ACSM3: variants seen among roughly 807,000 people sequenced by gnomAD.
ACSM3 encodes acyl-CoA synthetase medium chain family member 3, also known as acyl-coenzyme A synthetase ACSM3, mitochondrial.
A neutral mutation model predicts 74.1 loss-of-function variants in ACSM3; 61 were observed. The observed-to-expected ratio is 0.82, with a 90% CI of 0.67 to 1.02. ACSM3 has a LOEUF of 1.02. ACSM3 is among the 50% of genes least tolerant of loss of function. The pLI, the probability that ACSM3 is intolerant of heterozygous loss-of-function variation, is 0.00. For synonymous variants in ACSM3, 213 were observed against 241.5 expected, an observed-to-expected ratio of 0.88 and a Z score of 1.09; for missense variants, 660 against 697.0, an observed-to-expected ratio of 0.95 and a Z score of 0.60.
chr16:20,770,466 G>A (rs1469660126), intron 2 of ACSM3, among the ~76,000 whole-genome samples: 1 of 151,940 alleles, frequency 6.6e-6, no homozygotes, highest in Non-Finnish European at 1.5e-5. Context: ...GACCCGAAAT[G>A]TCAATAGTTC....
intron 1 of ACSM3, chr16:20,682,182 C>A (rs973040913): frequency 1.4e-6 from 2 of 1,460,392 alleles, no homozygotes; most frequent in African/African-American, 2.8e-5. Flanking sequence ...CTCAACCCCA[C>A]TGGTCTCTCT....
chr16:20,763,813 A>C (rs575159066), upstream of ACSM3: 1 of 152,250 alleles, frequency 6.6e-6, no homozygotes, highest in South Asian at 2.1e-4. Context: ...CTCCTTGGAC[A>C]CTTTCCTTCT....
intron 1 of ACSM3, among the ~76,000 whole-genome samples, chr16:20,688,537 C>A (rs536725646): frequency 1.5e-3 from 222 of 152,086 alleles, no homozygotes; most frequent in Non-Finnish European, 2.2e-3. Context: ...AAGAGAAAAG[C>A]AACTCATGTA....
chr16:20,709,656 A>G (rs1190093780), intron 1 of ACSM3, among the ~76,000 whole-genome samples: 1 of 152,224 alleles, frequency 6.6e-6, no homozygotes, highest in African/African-American at 2.4e-5. Context: ...ACTCTAAGGT[A>G]TTTTCTTAAC....
intron 4 of ACSM3, 34 bp downstream of exon 4, chr16:20,777,614 C>A: frequency 6.4e-7 from 1 of 1,562,994 alleles, no homozygotes; most frequent in Non-Finnish European, 8.8e-7. Flanking sequence ...AACAGCTTCC[C>A]AAAAGGAAAG....
intron 2 of ACSM3, among the ~76,000 whole-genome samples, chr16:20,754,661 T>C (rs904109877): frequency 3.9e-5 from 6 of 152,228 alleles, no homozygotes; most frequent in Non-Finnish European, 8.8e-5. Context: ...TGCTCACATG[T>C]ATGCTTTAAA....
intron 4 of ACSM3, chr16:20,779,849 G>T: frequency 5.1e-6 from 1 of 195,330 alleles, no homozygotes; most frequent in Non-Finnish European, 1.1e-5. Flanking sequence ...TTGGCTCACT[G>T]CAACCTCCAC....
At chr16:20,764,553 A>T (rs1393036483) in intron 1 of ACSM3, 3 of 152,150 alleles carry the variant, frequency 2.0e-5, no homozygotes, top group Admixed American at 2.0e-4. Context: ...GTGAAACCCT[A>T]TCTCTACTGA....
intron 1 of ACSM3, among the ~76,000 whole-genome samples, chr16:20,676,583 T>C (rs11649650): frequency 6.6e-6 from 1 of 152,084 alleles, no homozygotes; most frequent in South Asian, 2.1e-4. Flanking sequence ...GGTTACAAGG[T>C]GTACATTAAC....
At chr16:20,768,984 A>G (rs2080159471) in intron 1 of ACSM3, among the ~76,000 whole-genome samples, 1 of 152,218 alleles carries the variant, frequency 6.6e-6, no homozygotes, top group Non-Finnish European at 1.5e-5. Flanking sequence ...TGCTTAGGGT[A>G]AAACTGCAAT....
chr16:20,741,330 G>T (rs2079918390), intron 1 of ACSM3, among the ~76,000 whole-genome samples: 1 of 152,234 alleles, frequency 6.6e-6, no homozygotes, highest in Non-Finnish European at 1.5e-5. Flanking sequence ...AAAACCGATA[G>T]CACCGAAGTC....
intron 1 of ACSM3, among the ~76,000 whole-genome samples, chr16:20,707,952 A>T (rs1384071912): frequency 2.0e-5 from 3 of 152,244 alleles, no homozygotes; most frequent in Admixed American, 1.3e-4. Context: ...GGTCAGTGAG[A>T]TGCAAGAAAA....
intron 2 of ACSM3, among the ~76,000 whole-genome samples, chr16:20,771,827 G>A (rs1366070258): frequency 6.6e-6 from 1 of 152,084 alleles, no homozygotes; most frequent in African/African-American, 2.4e-5. Flanking sequence ...TTTCTGCAAT[G>A]GCTGTACTAA....
chr16:20,741,423 T>G, intron 1 of ACSM3: 2 of 1,431,616 alleles, frequency 1.4e-6, no homozygotes, highest in Non-Finnish European at 1.8e-6. Flanking sequence ...GAGGCGCGCA[T>G]GCCCATACCA....
intron 1 of ACSM3, among the ~76,000 whole-genome samples, chr16:20,725,031 CT>C (rs1341336470): frequency 6.6e-6 from 1 of 152,176 alleles, no homozygotes; most frequent in Non-Finnish European, 1.5e-5. Context: ...GAAAAAACAA[CT>C]TTAAAGTTTA....
chr16:20,787,011 C>T (rs2080488694), intron 9 of ACSM3, among the ~76,000 whole-genome samples: 1 of 152,222 alleles, frequency 6.6e-6, no homozygotes, highest in South Asian at 2.1e-4. Context: ...TCCAGCCTCT[C>T]TGTATCCACT....
At chr16:20,716,868 C>T (rs1257472710) in intron 1 of ACSM3, among the ~76,000 whole-genome samples, 3 of 152,134 alleles carry the variant, frequency 2.0e-5, no homozygotes, top group East Asian at 1.9e-4. Context: ...GTCTGATCAC[C>T]CCAACAGGGA....
chr16:20,796,373 G>A lies in ACSM3; in HGVS notation c.1558G>A (p.Val520Ile), dbSNP rs1416705684. 11 of 1,609,700 alleles carry A rather than the reference G, an allele frequency of 6.8e-6. No individual in the cohort carries two copies. The highest frequency in any genetic ancestry group is 9.3e-6 in the Non-Finnish European group (11 of 1,179,024). ...SSPDPIRGEV[V>I]KAFVVLNPDY... ...GTGTTTCAAATATTTATTTTAGGTAGTAAAGGCTTTTGTCGTTCTAAATCC... is the reference window on the plus strand; with the variant it reads ...GTGTTTCAAATATTTATTTTAGGTAATAAAGGCTTTTGTCGTTCTAAATCC... The change falls in exon 13 of 14, where the codon GTA becomes ATA. Residue 520 changes from valine to isoleucine, a missense_variant. Val to Ile is a conservative substitution (Grantham distance 29). Coordinates refer to ENST00000289416, the MANE Select transcript of ACSM3 (RefSeq NM_005622.4).
chr16:20,784,969 T>C lies in ACSM3; in HGVS notation c.1020-15T>C. ...TTTTTCCTCCTAAATCTAACTTATC[T>C]GGTTTTCTGAGAAGCTATAAGTTTA... On this transcript the variant is annotated splice_polypyrimidine_tract_variant and intron_variant, in intron 7 of 13. Transcript: ENST00000289416. 1.2e-6 allele frequency: 2 copies of C among 1,604,142 alleles called. No homozygotes were observed. Among genetic ancestry groups the C allele is most frequent in the Non-Finnish European group, 1.7e-6 (2 of 1,176,282 alleles).
Sources: allele counts gnomAD v4.1 joint callset (sites outside exome capture counted in the v4.1 genomes callset), GRCh38; gene constraint gnomAD v4.1.1; transcripts MANE v1.5; gene names NCBI Gene and HGNC (gene_info 2026-07-23, HGNC 2026-07-21).